The following FGF12 variants were observed in gnomAD, a reference collection of about 807,000 sequenced individuals.
FGF12 encodes fibroblast growth factor 12B.
In FGF12, 14 loss-of-function variants were observed where a neutral mutation model predicts 23.6. The observed-to-expected ratio is 0.59, with a 90% confidence interval of 0.39 to 0.93. FGF12 has a LOEUF of 0.93. FGF12 is among the 40% of genes least tolerant of loss of function. The pLI, the probability that FGF12 is intolerant of heterozygous loss-of-function variation, is 0.00. For synonymous variants in FGF12, 62 were observed against 77.3 expected, an observed-to-expected ratio of 0.80 and a Z score of 1.04; for missense variants, 175 against 217.8, an observed-to-expected ratio of 0.80 and a Z score of 1.24.
intron 4 of FGF12, among the ~76,000 whole-genome samples, chr3:192,203,066 G>C (rs1421201713): frequency 6.6e-6 from 1 of 151,502 alleles, no homozygotes; most frequent in African/African-American, 2.4e-5. Context: ...TATAATATTA[G>C]GAGGAAAAGA....
At chr3:192,643,266 C>G (rs1057487950) in intron 2 of FGF12, among the ~76,000 whole-genome samples, 1 of 106,048 alleles carries the variant, frequency 9.4e-6, no homozygotes, top group African/African-American at 3.3e-5. Flanking sequence ...TAGAATATCA[C>G]TAATTGATCC....
At chr3:192,459,553 T>C (rs1473453124) in intron 2 of FGF12, among the ~76,000 whole-genome samples, 1 of 152,192 alleles carries the variant, frequency 6.6e-6, no homozygotes, top group Non-Finnish European at 1.5e-5. Context: ...TACATTCCCA[T>C]GGGAACCAGA....
At chr3:192,200,186 G>A (rs552542960) in intron 4 of FGF12, among the ~76,000 whole-genome samples, 6 of 151,864 alleles carry the variant, frequency 4.0e-5, no homozygotes, top group South Asian at 2.1e-4. Flanking sequence ...ATAATTAGCC[G>A]GGTGTGGCTG....
intron 2 of FGF12, among the ~76,000 whole-genome samples, chr3:192,383,396 GA>G (rs1242729172): frequency 6.6e-6 from 1 of 152,056 alleles, no homozygotes; most frequent in Non-Finnish European, 1.5e-5. Flanking sequence ...CAGTAAATCA[GA>G]GGGGGAAAAG....
chr3:192,230,203 A>G (rs1039591699), intron 4 of FGF12, among the ~76,000 whole-genome samples: 35 of 152,130 alleles, frequency 2.3e-4, no homozygotes, highest in African/African-American at 7.7e-4. Context: ...TACTTTCAAG[A>G]TCCACTTTTA....
At chr3:192,695,477 A>T (rs902948684) in intron 2 of FGF12, among the ~76,000 whole-genome samples, 1 of 152,216 alleles carries the variant, frequency 6.6e-6, no homozygotes, top group Non-Finnish European at 1.5e-5. Flanking sequence ...TAGGGAAGAT[A>T]TCACTCATAC....
chr3:192,654,575 A>G (rs1232455895), intron 2 of FGF12, among the ~76,000 whole-genome samples: 2 of 152,250 alleles, frequency 1.3e-5, no homozygotes. Flanking sequence ...GAAGGGACAC[A>G]ACAAATGATA....
At chr3:192,689,031 T>C (rs1489713637) in intron 2 of FGF12, among the ~76,000 whole-genome samples, 3 of 152,050 alleles carry the variant, frequency 2.0e-5, no homozygotes, top group Admixed American at 2.0e-4. Flanking sequence ...GCTAAACAAG[T>C]CAATGTCCAG....
intron 2 of FGF12, among the ~76,000 whole-genome samples, chr3:192,583,674 T>G (rs1279570729): frequency 1.3e-5 from 2 of 152,190 alleles, no homozygotes; most frequent in African/African-American, 4.8e-5. Context: ...GTCACAGTCT[T>G]GACATCTGAC....
chr3:192,712,144 A>G (rs1718709743), intron 2 of FGF12, among the ~76,000 whole-genome samples: 1 of 151,814 alleles, frequency 6.6e-6, no homozygotes, highest in Non-Finnish European at 1.5e-5. Context: ...ACTTGAGCCC[A>G]TAATCTAGAA....
At chr3:192,260,557 T>C (rs1331708586) in intron 4 of FGF12, among the ~76,000 whole-genome samples, 1 of 152,168 alleles carries the variant, frequency 6.6e-6, no homozygotes, top group African/African-American at 2.4e-5. Flanking sequence ...TATGCAGAAT[T>C]TACACATGTG....
At chr3:192,165,238 A>T (rs1281372060) in intron 5 of FGF12, among the ~76,000 whole-genome samples, 2 of 152,064 alleles carry the variant, frequency 1.3e-5, no homozygotes, top group African/African-American at 2.4e-5. Flanking sequence ...TACAGGTATG[A>T]GCCACTGCGT....
At chr3:192,511,417 G>A (rs927207731) in intron 2 of FGF12, among the ~76,000 whole-genome samples, 1 of 152,130 alleles carries the variant, frequency 6.6e-6, no homozygotes, top group African/African-American at 2.4e-5. Context: ...TGAGGAACCT[G>A]CAATTTTAAC....
chr3:192,199,044 T>G (rs1341335513), intron 4 of FGF12, among the ~76,000 whole-genome samples: 1 of 152,240 alleles, frequency 6.6e-6, no homozygotes, highest in Non-Finnish European at 1.5e-5. Context: ...ATTTAGCTCT[T>G]CTCAGCACCG....
chr3:192,286,150 A>G (rs1714434196), intron 4 of FGF12, among the ~76,000 whole-genome samples: 1 of 152,022 alleles, frequency 6.6e-6, no homozygotes, highest in Admixed American at 6.6e-5. Flanking sequence ...AACTTTAAAA[A>G]GCTAAGGAGT....
In FGF12 at chr3:192,503,750, C is replaced by T. The variant is rs1356564304; in HGVS notation, c.14-143212G>A. Reference sequence around the variant, plus strand: ...CCTCCGGAGTAGCTGGGACTACAGGCGCCCGCCACCACGCCCGGCTAAATT... The same window carrying T: ...CCTCCGGAGTAGCTGGGACTACAGGTGCCCGCCACCACGCCCGGCTAAATT... On this transcript the variant is annotated intron_variant, in intron 2 of 5. Transcript: ENST00000445105. 7.9e-5 allele frequency among the ~76,000 whole-genome samples: 12 copies of T among 151,636 alleles called. No homozygotes were observed. In the East Asian group the frequency reaches 1.7e-3, roughly 22 times the overall value.
chr3:192,159,400 C>CA (rs1714736600), intron 5 of FGF12, among the ~76,000 whole-genome samples: 1 of 152,178 alleles, frequency 6.6e-6, no homozygotes, highest in African/African-American at 2.4e-5. Flanking sequence ...AGTCTTTCTG[C>CA]AAATCACTGG....
chr3:192,641,489 C>T (rs1715804675), intron 2 of FGF12, among the ~76,000 whole-genome samples: 1 of 150,634 alleles, frequency 6.6e-6, no homozygotes, highest in African/African-American at 2.4e-5. Flanking sequence ...ATCACAACCT[C>T]TGTCTCCCGG....
Position 192,658,394 on chromosome 3 carries a change from G to A in FGF12, c.13+68787C>T, listed in dbSNP as rs551738825. ...AGATCAGCTGCTGGCTTGTGAGAAC[G>A]TTCCCTTGGGTACCTAAATGCTGCT... On this transcript the variant is annotated intron_variant, in intron 2 of 5. Transcript: ENST00000445105. Among the ~76,000 whole-genome samples, 22 of 152,252 alleles carry A rather than the reference G, an allele frequency of 1.4e-4. No individual in the cohort carries two copies. In the East Asian group the frequency reaches 2.7e-3, roughly 19 times the overall value.
Sources: allele counts gnomAD v4.1 joint callset (sites outside exome capture counted in the v4.1 genomes callset), GRCh38; gene constraint gnomAD v4.1.1; transcripts MANE v1.5; gene names NCBI Gene and HGNC (gene_info 2026-07-23, HGNC 2026-07-21).